ABCC8: variants seen among roughly 807,000 people sequenced by gnomAD.
ABCC8 encodes the protein ATP binding cassette subfamily C member 8.
In ABCC8, 137 loss-of-function variants were observed where a neutral mutation model predicts 188.0. That is an observed-to-expected ratio of 0.73 (90% CI 0.63 to 0.84). ABCC8 has a LOEUF of 0.84. Among genes scored for constraint, ABCC8 ranks in the 40% least tolerant of loss-of-function variants. ABCC8 has a pLI of 0.00. For missense variants in ABCC8, 1,750 were observed against 2,072.7 expected, an observed-to-expected ratio of 0.84 and a Z score of 3.02; for synonymous variants, 797 against 846.5, an observed-to-expected ratio of 0.94 and a Z score of 1.01.
intron 29 of ABCC8, among the ~76,000 whole-genome samples, chr11:17,401,974 C>T (rs1954265331): frequency 6.6e-6 from 1 of 152,196 alleles, no homozygotes; most frequent in South Asian, 2.1e-4. Flanking sequence ...GCTCCCACAG[C>T]CCTTGAATCC....
chr11:17,428,830 T>C, intron 12 of ABCC8, 160 bp from the exon 13 acceptor site: 2 of 1,358,452 alleles, frequency 1.5e-6, no homozygotes, highest in South Asian at 1.4e-5. Context: ...TGGGGGCAGG[T>C]AATTGGTGTT....
intron 10 of ABCC8, among the ~76,000 whole-genome samples, chr11:17,436,413 C>T (rs146703196): frequency 4.1e-4 from 62 of 152,092 alleles, no homozygotes; most frequent in Non-Finnish European, 5.9e-4. Context: ...TCTGAGGCCT[C>T]GCCCTCATTT....
rs899573143 is a variant in ABCC8, at chr11:17,392,925, G to A, written c.*66C>T. 4.6e-5 allele frequency: 71 copies of A among 1,542,412 alleles called. 3 individuals are homozygous for A. The South Asian group carries it at 7.0e-4, about 15-fold the overall frequency. Reference sequence around the variant, plus strand: ...TCTATTTATTTACAAGTGATTTACAGTTAGAAAACCCAGGCAGGGGTATGG... The same window carrying A: ...TCTATTTATTTACAAGTGATTTACAATTAGAAAACCCAGGCAGGGGTATGG... On this transcript the variant is annotated 3_prime_UTR_variant, in exon 39 of 39. Transcript: ENST00000389817.
chr11:17,447,006 C>A (rs77480989), intron 8 of ABCC8, among the ~76,000 whole-genome samples: 1,627 of 152,272 alleles, frequency 0.011, 15 homozygotes, highest in African/African-American at 0.031. Context: ...GGCCACTCTG[C>A]CTGCTGTGTT....
intron 12 of ABCC8, chr11:17,430,441 G>A (rs1297690876): frequency 8.4e-6 from 3 of 358,950 alleles, no homozygotes; most frequent in South Asian, 2.3e-5. Context: ...GATATCCATG[G>A]GGCAGCCACG....
intron 6 of ABCC8, among the ~76,000 whole-genome samples, chr11:17,458,252 C>A (rs1024652606): frequency 1.6e-4 from 24 of 152,168 alleles, no homozygotes; most frequent in African/African-American, 5.6e-4. Context: ...GAGGCAGGGC[C>A]ATCTGTCTCA....
chr11:17,430,537 C>G, intron 12 of ABCC8: 1 of 486,558 alleles, frequency 2.1e-6, no homozygotes, highest in Non-Finnish European at 3.8e-6. Flanking sequence ...CCACATTTGG[C>G]TCAACACTGG....
intron 5 of ABCC8, 62 bp from the exon 6 acceptor site, chr11:17,460,738 C>T (rs1165920797): frequency 4.4e-6 from 7 of 1,595,500 alleles, no homozygotes; most frequent in Non-Finnish European, 4.2e-6. Flanking sequence ...CTGGGCCTAG[C>T]CTCCCAGGAT....
At chr11:17,415,277 G>C in intron 18 of ABCC8, 27 bp downstream of exon 18, 1 of 1,601,848 alleles carries the variant, frequency 6.2e-7, no homozygotes, top group Non-Finnish European at 8.5e-7. Flanking sequence ...GTTGACCCTG[G>C]GGGGCAATGT....
intron 21 of ABCC8, among the ~76,000 whole-genome samples, chr11:17,411,944 G>A (rs1230773267): frequency 2.0e-5 from 3 of 149,150 alleles, no homozygotes; most frequent in Non-Finnish European, 4.4e-5. Context: ...CCAGGCTGGA[G>A]TGCAGTGGTG....
At chr11:17,410,495 G>T (rs1954756490) in intron 22 of ABCC8, 21 bp downstream of exon 22, 1 of 1,613,836 alleles carries the variant, frequency 6.2e-7, no homozygotes. Flanking sequence ...CCTATAGCCT[G>T]ACCCCCTTGT....
intron 21 of ABCC8, 124 bp from the exon 22 acceptor site, chr11:17,410,777 G>A: frequency 6.8e-7 from 1 of 1,478,876 alleles, no homozygotes; most frequent in Non-Finnish European, 9.2e-7. Context: ...CTAGTTAGCT[G>A]TGTGGCTTTG....
rs756920079 is a variant in ABCC8 at position 17,395,670 on chromosome 11, G to A, written c.4247C>T (p.Thr1416Ile). The A allele has an allele frequency of 1.9e-6, 3 of 1,560,864 alleles. No homozygotes were observed. Among genetic ancestry groups the A allele is most frequent in the East Asian group, 2.4e-5 (1 of 41,956 alleles). Residue 1416 changes from threonine (T) to isoleucine (I), a missense_variant, in exon 35 of 39, where the codon ACC (threonine) becomes ATC (isoleucine). Coordinates refer to ENST00000389817, the MANE Select transcript of ABCC8 (RefSeq NM_000352.6). The part of the protein sequence containing the change: ...GIDIAKLPLH[T>I]LRSRLSIILQ... ...GATGATGGAGAGGCGTGAGCGCAGGGTGTGCAGCGGCAGTTTGGCGATGTC... is the reference window on the plus strand; with the variant it reads ...GATGATGGAGAGGCGTGAGCGCAGGATGTGCAGCGGCAGTTTGGCGATGTC...
chr11:17,470,072 A>T (rs775387428), intron 3 of ABCC8, 29 bp downstream of exon 3: 2 of 1,611,794 alleles, frequency 1.2e-6, no homozygotes, highest in African/African-American at 1.3e-5. Flanking sequence ...GAATGAAGGT[A>T]CTGCCCCTCC....
intron 6 of ABCC8, 120 bp downstream of exon 6, chr11:17,460,368 G>A: frequency 6.8e-7 from 1 of 1,466,578 alleles, no homozygotes; most frequent in South Asian, 1.1e-5. Context: ...TATGGGCTTT[G>A]CGCATGTGTG....
chr11:17,396,730 G>C lies in ABCC8; in HGVS notation c.4119+186C>G, dbSNP rs552359789. 3.1e-4 allele frequency: 218 copies of C among 714,704 alleles called. 3 individuals are homozygous for C. In the South Asian group the frequency reaches 3.9e-3, roughly 13 times the overall value. 44.3% of individuals were successfully genotyped at this position (714,704 alleles called of 1,614,324 possible). On this transcript the variant is annotated intron_variant, in intron 33 of 38. Coordinates refer to ENST00000389817, the MANE Select transcript of ABCC8 (RefSeq NM_000352.6). ...ACAAGGCCTGAGGGCAGCACTGGGG[G>C]AAGGCAATAGAAGGAGAGGAAAGAT...
chr11:17,465,059 G>A (rs57711591), intron 3 of ABCC8, among the ~76,000 whole-genome samples: 4,824 of 152,306 alleles, frequency 0.032, 255 homozygotes, highest in African/African-American at 0.11. Context: ...CGGGGGGATC[G>A]ATGCCATCCA....
chr11:17,428,148 G>T, intron 14 of ABCC8, 141 bp downstream of exon 14: 1 of 1,548,688 alleles, frequency 6.5e-7, no homozygotes, highest in Non-Finnish European at 8.8e-7. Context: ...GTGGTCCCTG[G>T]TTTCTGGACT....
intron 6 of ABCC8, among the ~76,000 whole-genome samples, chr11:17,458,193 T>C (rs1459611014): frequency 6.6e-6 from 1 of 152,148 alleles, no homozygotes; most frequent in South Asian, 2.1e-4. Flanking sequence ...TCTGATTGTG[T>C]TTGGGCTGCA....
Sources: allele counts gnomAD v4.1 joint callset (sites outside exome capture counted in the v4.1 genomes callset), GRCh38; gene constraint gnomAD v4.1.1; transcripts MANE v1.5; gene names NCBI Gene and HGNC (gene_info 2026-07-23, HGNC 2026-07-21).